The following SAMD8 variants were observed in gnomAD, a reference collection of about 807,000 sequenced individuals.
The protein encoded by SAMD8 is sphingomyelin synthase-related protein 1.
A neutral mutation model predicts 42.0 loss-of-function variants in SAMD8; 20 were observed. That is an observed-to-expected ratio of 0.48 (90% CI 0.34 to 0.69). The LOEUF (loss-of-function observed/expected upper bound fraction) is 0.69. Among genes scored for constraint, SAMD8 ranks in the 30% least tolerant of loss-of-function variants. SAMD8 has a pLI of 0.01. For missense variants in SAMD8, 328 were observed against 511.6 expected (o/e 0.64, Z 3.46); for synonymous variants, 162 against 173.0 (o/e 0.94, Z 0.50).
chr10:75,162,499 A>G (rs1266482939), intron 2 of SAMD8, among the ~76,000 whole-genome samples: 1 of 151,590 alleles, frequency 6.6e-6, no homozygotes, highest in Non-Finnish European at 1.5e-5. Context: ...AAAATACACA[A>G]TTAGCCGGGC....
chr10:75,106,959 T>C (rs545057573), upstream of SAMD8, among the ~76,000 whole-genome samples: 2 of 152,352 alleles, frequency 1.3e-5, no homozygotes, highest in South Asian at 4.1e-4. Flanking sequence ...TCTTCTAGGA[T>C]GGACACAAAG....
chr10:75,146,211 A>G (rs990207297), intron 1 of SAMD8, among the ~76,000 whole-genome samples: 1 of 143,566 alleles, frequency 7.0e-6, no homozygotes, highest in Admixed American at 6.9e-5. Context: ...CTGGGGCAGT[A>G]GGGTTCACCT....
chr10:75,101,612 T>C (rs1848161811), intron 1 of SAMD8, among the ~76,000 whole-genome samples: 1 of 152,194 alleles, frequency 6.6e-6, no homozygotes, highest in African/African-American at 2.4e-5. Context: ...ATTTTACAGA[T>C]GAGGAAACCG....
intron 1 of SAMD8, among the ~76,000 whole-genome samples, chr10:75,117,288 T>C (rs1166516149): frequency 6.6e-6 from 1 of 151,418 alleles, no homozygotes; most frequent in Non-Finnish European, 1.5e-5. Flanking sequence ...CCGGGTGTGG[T>C]GGTGTGCACC....
intron 1 of SAMD8, among the ~76,000 whole-genome samples, chr10:75,114,489 ATTTTT>A (rs1022530707): frequency 6.6e-6 from 1 of 152,118 alleles, no homozygotes; most frequent in Admixed American, 6.6e-5. Context: ...GCTTATAAAC[ATTTTT>A]TTATTTTGTT....
intron 2 of SAMD8, among the ~76,000 whole-genome samples, chr10:75,158,283 G>A (rs1483217814): frequency 6.6e-6 from 1 of 151,898 alleles, no homozygotes; most frequent in African/African-American, 2.4e-5. Context: ...GCAGAACAAT[G>A]AGGCTTTTAT....
chr10:75,171,767 G>A (rs1840873754), intron 4 of SAMD8, among the ~76,000 whole-genome samples: 1 of 152,150 alleles, frequency 6.6e-6, no homozygotes, highest in Non-Finnish European at 1.5e-5. Flanking sequence ...GCTCATGCCT[G>A]TAATCCCAGC....
At chr10:75,127,810 A>T (rs903843228) in intron 1 of SAMD8, among the ~76,000 whole-genome samples, 1 of 152,226 alleles carries the variant, frequency 6.6e-6, no homozygotes, top group Admixed American at 6.5e-5. Context: ...AGACATTTTA[A>T]CTCAGAAAGG....
chr10:75,153,611 C>CA (rs561306598), intron 2 of SAMD8, among the ~76,000 whole-genome samples: 69 of 138,524 alleles, frequency 5.0e-4, no homozygotes, highest in African/African-American at 1.1e-3. Context: ...GAGACTGTCT[C>CA]AAAAAAAAAA....
intron 1 of SAMD8, among the ~76,000 whole-genome samples, chr10:75,148,336 G>C (rs11001305): frequency 0.097 from 13,292 of 137,130 alleles, 855 homozygotes; most frequent in East Asian, 0.24. Flanking sequence ...AGAATGCAGA[G>C]CAATACCAGC....
In SAMD8 at chr10:75,153,367, C is replaced by A. The variant is rs145224194; in HGVS notation, c.578+2261C>A. ...GCTCATACCTGTGATCCCAGCACTTCGAGAGGACGAGGCTGGTGGGATCAC... is the reference window on the plus strand; with the variant it reads ...GCTCATACCTGTGATCCCAGCACTTAGAGAGGACGAGGCTGGTGGGATCAC... On this transcript the variant is annotated intron_variant, in intron 2 of 5. Coordinates refer to ENST00000542569, the MANE Select transcript of SAMD8 (RefSeq NM_001174156.2). 3.7e-3 allele frequency among the ~76,000 whole-genome samples: 564 copies of A among 152,084 alleles called. 1 individual carries two copies. Among genetic ancestry groups the A allele is most frequent in the African/African-American group, 0.011 (450 of 41,534 alleles).
rs1270121670 is a variant in SAMD8 at position 75,101,093 on chromosome 10, A to G, written c.-16+1365A>G. Among the ~76,000 whole-genome samples, 6 of 152,104 alleles carry G rather than the reference A, an allele frequency of 3.9e-5. No homozygotes were observed. In the East Asian group the frequency reaches 1.2e-3, roughly 29 times the overall value. On this transcript the variant is annotated intron_variant, in intron 1 of 3. Transcript: ENST00000447533. ...GGCAGGACCAGTGAGGAGTGTGGGGAGAAGGCCTGCAGAAGGGTGGCGTGT... is the reference window on the plus strand; with the variant it reads ...GGCAGGACCAGTGAGGAGTGTGGGGGGAAGGCCTGCAGAAGGGTGGCGTGT...
chr10:75,146,272 CTTTTTTTTTTTTTTTTTT>C (rs202162176), intron 1 of SAMD8, among the ~76,000 whole-genome samples: 1 of 68,124 alleles, frequency 1.5e-5, no homozygotes, highest in Non-Finnish European at 2.5e-5. Context: ...TGTCTTGACA[CTTTTTTTTTTTTTTTTTT>C]TTTTTTTTTT....
chr10:75,178,477 T>C lies in SAMD8; in HGVS notation c.*1785T>C, dbSNP rs1251799534. On this transcript the variant is annotated 3_prime_UTR_variant, in exon 6 of 6. Transcript: ENST00000542569. ...AGGTAAAAAGATATGTTACTGTTAT[T>C]TTTCTACGTGACAGAACAGACTGAA... The C allele has an allele frequency of 6.6e-6, 1 of 152,218 alleles. No individual in the cohort carries two copies. Among genetic ancestry groups the C allele is most frequent in the Non-Finnish European group, 1.5e-5 (1 of 68,036 alleles). The allele number at this position is 152,218 out of a possible 1,614,324, so 9.4% of individuals were successfully genotyped here.
At chr10:75,104,971 T>G (rs1848404949) in intron 1 of SAMD8, among the ~76,000 whole-genome samples, 1 of 152,048 alleles carries the variant, frequency 6.6e-6, no homozygotes, top group African/African-American at 2.4e-5. Flanking sequence ...CTCCCAAGCA[T>G]GCCCAGGCCA....
chr10:75,134,039 A>G (rs1475330665), intron 1 of SAMD8, among the ~76,000 whole-genome samples: 1 of 152,178 alleles, frequency 6.6e-6, no homozygotes, highest in Non-Finnish European at 1.5e-5. Context: ...ATACGTGTGC[A>G]TGCATCTTTA....
intron 1 of SAMD8, among the ~76,000 whole-genome samples, chr10:75,147,813 A>G (rs1449204452): frequency 6.6e-6 from 1 of 152,208 alleles, no homozygotes; most frequent in Non-Finnish European, 1.5e-5. Flanking sequence ...AAACAGCAAA[A>G]TCATATTTCT....
chr10:75,164,735 G>A lies in SAMD8; in HGVS notation c.669G>A (p.Lys223=), dbSNP rs1840636061. The A allele has an allele frequency of 1.2e-6, 2 of 1,608,250 alleles. No individual in the cohort carries two copies. The highest frequency in any genetic ancestry group is 1.7e-6 in the Non-Finnish European group (2 of 1,174,736). Residue 223 remains lysine (K), a synonymous_variant, in exon 3 of 6, where the codon AAG becomes AAA. Coordinates refer to ENST00000542569, the MANE Select transcript of SAMD8 (RefSeq NM_001174156.2). ...GGCTCCTGGTTCTTCTTCTTCACAAGCACAGGTACCTCATTACTCCATTAA... is the reference window on the plus strand; with the variant it reads ...GGCTCCTGGTTCTTCTTCTTCACAAACACAGGTACCTCATTACTCCATTAA... ...YIWLLVLLLH[K]HRSILLRRLC...
At chr10:75,164,780 CT>C (rs768764718) in intron 3 of SAMD8, 40 bp downstream of exon 3, 1 of 1,368,038 alleles carries the variant, frequency 7.3e-7, no homozygotes, top group Admixed American at 1.7e-5. Flanking sequence ...AATGTTTTGA[CT>C]CCTGTATCAA....
Sources: allele counts gnomAD v4.1 joint callset (sites outside exome capture counted in the v4.1 genomes callset), GRCh38; gene constraint gnomAD v4.1.1; transcripts MANE v1.5; gene names NCBI Gene and HGNC (gene_info 2026-07-23, HGNC 2026-07-21).